Variants in TBC1D14 observed in about 807,000 individuals in gnomAD.
TBC1D14 encodes the protein TBC1 domain family member 14, also known as TBC1 domain family, member 14.
A neutral mutation model predicts 79.0 loss-of-function variants in TBC1D14; 26 were observed. That is an observed-to-expected ratio of 0.33 (90% confidence interval 0.24 to 0.46). The LOEUF (loss-of-function observed/expected upper bound fraction) is 0.46. TBC1D14 is among the 20% of genes least tolerant of loss of function. The probability of loss-of-function intolerance (pLI) is 1.00; values close to 1 mark genes in which losing one functional copy is unlikely to be tolerated. For synonymous variants in TBC1D14, 394 were observed against 349.9 expected, an observed-to-expected ratio of 1.13 and a Z score of -1.40; for missense variants, 769 against 887.6, an observed-to-expected ratio of 0.87 and a Z score of 1.70.
At chr4:7,006,871 T>G (rs1720247449) in intron 9 of TBC1D14, 145 bp downstream of exon 9, 2 of 605,866 alleles carry the variant, frequency 3.3e-6, no homozygotes, top group South Asian at 4.4e-5. Context: ...ATTAAATACA[T>G]TTAGACTTTT....
intron 2 of TBC1D14, among the ~76,000 whole-genome samples, chr4:6,948,421 A>G (rs1713690010): frequency 1.3e-5 from 2 of 152,194 alleles, no homozygotes; most frequent in African/African-American, 4.8e-5. Flanking sequence ...TAGCAGTAGC[A>G]TCCATTTATT....
intron 5 of TBC1D14, among the ~76,000 whole-genome samples, chr4:6,997,842 T>A (rs1719221317): frequency 6.6e-6 from 1 of 152,004 alleles, no homozygotes; most frequent in Non-Finnish European, 1.5e-5. Flanking sequence ...AAAAGTAGAA[T>A]GATGGGTGCT....
intron 2 of TBC1D14, among the ~76,000 whole-genome samples, chr4:6,929,855 G>A (rs191412750): frequency 1.4e-3 from 210 of 152,254 alleles, no homozygotes; most frequent in Non-Finnish European, 1.4e-3. Flanking sequence ...TCTGGGCCAG[G>A]CACTTCTGTC....
At chr4:6,977,610 C>A (rs62289198) in intron 3 of TBC1D14, among the ~76,000 whole-genome samples, 1 of 144,302 alleles carries the variant, frequency 6.9e-6, no homozygotes, top group Non-Finnish European at 1.5e-5. Flanking sequence ...AGCCTCTCTG[C>A]CTGGCTACCC....
At chr4:6,914,954 G>A (rs1365359880) in intron 1 of TBC1D14, among the ~76,000 whole-genome samples, 5 of 152,136 alleles carry the variant, frequency 3.3e-5, no homozygotes, top group Non-Finnish European at 5.9e-5. Flanking sequence ...CAGGAGAATC[G>A]CTTGAACCCG....
chr4:6,991,362 G>T (rs751153241), intron 3 of TBC1D14, among the ~76,000 whole-genome samples: 9 of 152,182 alleles, frequency 5.9e-5, no homozygotes, highest in African/African-American at 2.2e-4. Context: ...ACCCCAGCGC[G>T]TGGCCTGTGA....
intron 1 of TBC1D14, among the ~76,000 whole-genome samples, chr4:6,916,091 G>A (rs147693081): frequency 0.01 from 1,563 of 149,432 alleles, 19 homozygotes; most frequent in South Asian, 0.045. Flanking sequence ...GTGCCACTGC[G>A]CTCCAGCCTG....
intron 2 of TBC1D14, among the ~76,000 whole-genome samples, chr4:6,936,123 G>T (rs1050025459): frequency 6.6e-6 from 1 of 152,174 alleles, no homozygotes; most frequent in Non-Finnish European, 1.5e-5. Context: ...GAGTCCATTT[G>T]TTACTGTCGA....
intron 2 of TBC1D14, among the ~76,000 whole-genome samples, chr4:6,966,175 A>G (rs1364682405): frequency 1.3e-5 from 2 of 152,200 alleles, no homozygotes; most frequent in African/African-American, 4.8e-5. Context: ...AGTCAGTGGG[A>G]GCCTATTCAG....
At chr4:6,916,797 G>T (rs1723435228) in intron 1 of TBC1D14, among the ~76,000 whole-genome samples, 1 of 152,226 alleles carries the variant, frequency 6.6e-6, no homozygotes, top group Non-Finnish European at 1.5e-5. Context: ...GGAAGGTGAT[G>T]ACTCATCACC....
chr4:6,998,358 TAAAA>T (rs538598541), intron 5 of TBC1D14, among the ~76,000 whole-genome samples: 2 of 117,622 alleles, frequency 1.7e-5, no homozygotes, highest in South Asian at 2.8e-4. Context: ...AAACTCCGTC[TAAAA>T]AAAAAAAAAA....
intron 2 of TBC1D14, among the ~76,000 whole-genome samples, chr4:6,929,507 G>C (rs940429345): frequency 6.6e-6 from 1 of 152,108 alleles, no homozygotes; most frequent in Non-Finnish European, 1.5e-5. Context: ...CTGTCCACCC[G>C]CCTGAGGGTG....
At chr4:6,928,985 T>G (rs1289542912) in intron 2 of TBC1D14, among the ~76,000 whole-genome samples, 1 of 152,258 alleles carries the variant, frequency 6.6e-6, no homozygotes, top group Non-Finnish European at 1.5e-5. Context: ...TGACCTGAGA[T>G]GGAACATTGT....
chr4:6,996,419 C>T lies in TBC1D14; in HGVS notation c.1045+12C>T, dbSNP rs376141483. 7 of 1,602,108 alleles carry T rather than the reference C, an allele frequency of 4.4e-6. No homozygotes were observed. The highest frequency in any genetic ancestry group is 4.0e-5 in the African/African-American group (3 of 74,596). ...GGCCAAAAAGCGAGGTAATGGGGTT[C>T]ACACTTGATGGGTTAAATCAGGCAG... On this transcript the variant is annotated intron_variant, in intron 5 of 13. Coordinates refer to ENST00000409757, the MANE Select transcript of TBC1D14 (RefSeq NM_020773.3).
At chr4:6,947,695 G>A (rs982796015) in intron 2 of TBC1D14, among the ~76,000 whole-genome samples, 8 of 151,216 alleles carry the variant, frequency 5.3e-5, no homozygotes, top group Non-Finnish European at 8.8e-5. Context: ...GCTGATGTTA[G>A]AGAGTGGATC....
At chr4:6,978,168 C>A (rs1314482496) in intron 3 of TBC1D14, among the ~76,000 whole-genome samples, 3 of 151,132 alleles carry the variant, frequency 2.0e-5, no homozygotes, top group Admixed American at 6.6e-5. Flanking sequence ...AGGTGAGGGG[C>A]GCCTCTGCCC....
intron 3 of TBC1D14, among the ~76,000 whole-genome samples, chr4:6,991,502 C>G (rs1044073472): frequency 1.3e-5 from 2 of 152,332 alleles, no homozygotes; most frequent in Admixed American, 6.5e-5. Flanking sequence ...TTCTCCCCCT[C>G]AGACCTGAAA....
intron 8 of TBC1D14, among the ~76,000 whole-genome samples, chr4:7,005,210 G>A (rs1315430206): frequency 6.6e-6 from 1 of 151,992 alleles, no homozygotes; most frequent in Non-Finnish European, 1.5e-5. Flanking sequence ...GACCAGCCTG[G>A]CCAACATGGT....
rs965023329 is a variant in TBC1D14 at position 7,007,462 on chromosome 4, C to T, written c.1446+736C>T. ...TATCTATAACGGGTTTTTGCGGGGG[C>T]AGTTGTTCTTGCAGAATACCTTTGC... is the stretch of plus-strand genomic sequence containing the variant. On this transcript the variant is annotated intron_variant, in intron 9 of 13. Transcript: ENST00000409757. 1.2e-5 allele frequency: 13 copies of T among 1,062,636 alleles called. No homozygotes were observed. In the South Asian group the frequency reaches 1.8e-4, roughly 14 times the overall value. The allele number at this position is 1,062,636 out of a possible 1,614,324, so 65.8% of individuals were successfully genotyped here. A position where few individuals can be genotyped will look rare whatever the true frequency, so the allele number is the denominator to read the frequency against.
Sources: allele counts gnomAD v4.1 joint callset (sites outside exome capture counted in the v4.1 genomes callset), GRCh38; gene constraint gnomAD v4.1.1; transcripts MANE v1.5; gene names NCBI Gene and HGNC (gene_info 2026-07-23, HGNC 2026-07-21).